The following KY variants were observed in gnomAD, a reference collection of about 807,000 sequenced individuals.
KY encodes kyphoscoliosis peptidase.
KY carries 43 observed loss-of-function variants against 76.1 expected under a neutral mutation model. The observed-to-expected ratio is 0.57, with a 90% CI of 0.44 to 0.73. The LOEUF (loss-of-function observed/expected upper bound fraction) is 0.73. Among genes scored for constraint, KY ranks in the 30% least tolerant of loss-of-function variants. KY has a pLI of 0.00. For missense variants in KY, 722 were observed against 828.9 expected (o/e 0.87, Z 1.58); for synonymous variants, 277 against 326.2 (o/e 0.85, Z 1.63).
intron 2 of KY, 33 bp from the exon 3 acceptor site, chr3:134,643,411 C>A (rs751547415): frequency 2.9e-5 from 46 of 1,594,282 alleles, no homozygotes; most frequent in Non-Finnish European, 3.8e-5. Context: ...CCTGCAGTGA[C>A]CACTGGGGAA....
intron 10 of KY, chr3:134,608,041 GA>G: frequency 9.4e-7 from 1 of 1,063,366 alleles, no homozygotes; most frequent in Non-Finnish European, 1.1e-6. Flanking sequence ...CCTCCCTAAG[GA>G]AGTCTGCCCC....
rs1419104904 is a variant in KY, at chr3:134,646,299, C to A, written c.199+1136G>T. 2.0e-5 allele frequency among the ~76,000 whole-genome samples: 3 copies of A among 152,174 alleles called. No individual in the cohort carries two copies. The East Asian group carries it at 5.8e-4, about 29-fold the overall frequency. ...AGGGAAGCCATTGCACCCATGCATGCCTGTCAGGGTGGCTCCCTGGCAGTG... is the reference window on the plus strand; with the variant it reads ...AGGGAAGCCATTGCACCCATGCATGACTGTCAGGGTGGCTCCCTGGCAGTG... On this transcript the variant is annotated intron_variant, in intron 2 of 10. Transcript: ENST00000423778.
At chr3:134,648,719 G>T (rs1476249955) in intron 1 of KY, among the ~76,000 whole-genome samples, 2 of 152,048 alleles carry the variant, frequency 1.3e-5, no homozygotes, top group East Asian at 1.9e-4. Flanking sequence ...TTTTCTTCCA[G>T]CAGAAGGGCC....
chr3:134,629,817 C>T, intron 3 of KY, 122 bp from the exon 4 acceptor site: 1 of 654,242 alleles, frequency 1.5e-6, no homozygotes, highest in Non-Finnish European at 2.7e-6. Context: ...GTGTACAAAT[C>T]ATCCTTGTTT....
chr3:134,613,842 C>T (rs1226398130), intron 8 of KY, among the ~76,000 whole-genome samples: 3 of 152,124 alleles, frequency 2.0e-5, no homozygotes, highest in Non-Finnish European at 4.4e-5. Context: ...ATTGTGGAAC[C>T]CACAGGAGTT....
intron 2 of KY, among the ~76,000 whole-genome samples, chr3:134,646,775 G>A (rs1239213733): frequency 6.6e-6 from 1 of 152,164 alleles, no homozygotes; most frequent in South Asian, 2.1e-4. Flanking sequence ...GGCTCTGGGA[G>A]TAGAGGTTTG....
intron 10 of KY, chr3:134,607,214 G>T (rs1425072714): frequency 1.0e-6 from 1 of 985,324 alleles, no homozygotes. Context: ...TTCTCAAATT[G>T]AGCAACTTCA....
intron 5 of KY, 128 bp from the exon 6 acceptor site, chr3:134,625,263 A>G (rs1182018012): frequency 4.0e-6 from 3 of 757,428 alleles, no homozygotes; most frequent in Non-Finnish European, 6.7e-6. Flanking sequence ...AGCCTGAAAC[A>G]TTGAGCCTAA....
In KY at chr3:134,603,731, G is replaced by T. The variant is rs377330101; in HGVS notation, c.1834C>A (p.Gln612Lys). ...TTCAGGGTCAGGGGCCATGTGTCCT[G>T]CCCCTTCACCAGGACTTTGGCAATA... ...HGIAKVLVKGQDTWPLTLNHE... is the reference protein window; with the variant it reads ...HGIAKVLVKGKDTWPLTLNHE... Residue 612 changes from glutamine (Q) to lysine (K), a missense_variant, in exon 11 of 11, where the codon CAG becomes AAG. By Grantham distance (53) the Gln-to-Lys change is moderately conservative (BLOSUM62 1). Coordinates refer to ENST00000423778, the MANE Select transcript of KY (RefSeq NM_178554.6). 32 of 1,612,978 alleles carry T rather than the reference G, an allele frequency of 2.0e-5. No individual in the cohort carries two copies. In the African/African-American group the frequency reaches 3.9e-4, roughly 20 times the overall value.
intron 1 of KY, among the ~76,000 whole-genome samples, chr3:134,647,798 A>G (rs1214087639): frequency 6.6e-6 from 1 of 152,224 alleles, no homozygotes; most frequent in Non-Finnish European, 1.5e-5. Flanking sequence ...CATACATATG[A>G]AAGCATTATT....
At chr3:134,636,286 T>C (rs1308288168) in intron 3 of KY, among the ~76,000 whole-genome samples, 1 of 152,258 alleles carries the variant, frequency 6.6e-6, no homozygotes, top group Non-Finnish European at 1.5e-5. Flanking sequence ...GTGCACATTC[T>C]TGCTGTGCTT....
At position 134,613,608 on chromosome 3, in the gene KY, G is replaced by C. The variant is rs142849948; in HGVS notation, c.711-3225C>G. Among the ~76,000 whole-genome samples the C allele has an allele frequency of 2.0e-5, 3 of 152,318 alleles. No homozygotes were observed. The East Asian group carries it at 5.8e-4, about 29-fold the overall frequency. On this transcript the variant is annotated intron_variant, in intron 8 of 10. Coordinates refer to ENST00000423778, the MANE Select transcript of KY (RefSeq NM_178554.6). ...CCAGGGGTTGATTCTTCTCTGACAG[G>C]CTGAGGAGAAGCTGGGAAGGCTGTG...
At chr3:134,628,142 T>G in intron 4 of KY, 1 of 360,216 alleles carries the variant, frequency 2.8e-6, no homozygotes, top group Non-Finnish European at 5.1e-6. Context: ...CCTGCCCTCT[T>G]TTGGAGTTTC....
At chr3:134,642,919 A>T (rs140691401) in intron 3 of KY, among the ~76,000 whole-genome samples, 13 of 152,326 alleles carry the variant, frequency 8.5e-5, no homozygotes, top group African/African-American at 2.9e-4. Context: ...GATGGTAAAG[A>T]GGAGTACCTG....
At chr3:134,614,262 A>G (rs749816552) in intron 8 of KY, among the ~76,000 whole-genome samples, 99 of 152,320 alleles carry the variant, frequency 6.5e-4, no homozygotes, top group Admixed American at 1.3e-3. Flanking sequence ...CAGCCATCCC[A>G]GAGCCTAAAA....
intron 3 of KY, among the ~76,000 whole-genome samples, chr3:134,639,655 G>A (rs1014677880): frequency 5.3e-5 from 8 of 151,996 alleles, no homozygotes; most frequent in African/African-American, 1.9e-4. Flanking sequence ...CCTCAAGAAT[G>A]TCCTTTGGGG....
At chr3:134,616,887 G>A (rs1961666443) in intron 8 of KY, among the ~76,000 whole-genome samples, 1 of 152,210 alleles carries the variant, frequency 6.6e-6, no homozygotes, top group South Asian at 2.1e-4. Context: ...CCAAACTGCA[G>A]TCTCATTGAG....
chr3:134,648,193 A>G (rs1472073247), intron 1 of KY, among the ~76,000 whole-genome samples: 4 of 152,230 alleles, frequency 2.6e-5, no homozygotes, highest in Non-Finnish European at 5.9e-5. Context: ...AGGAGTATTC[A>G]GTGCTCCTTG....
At chr3:134,611,560 C>T (rs1960460468) in intron 8 of KY, among the ~76,000 whole-genome samples, 1 of 152,264 alleles carries the variant, frequency 6.6e-6, no homozygotes, top group Admixed American at 6.5e-5. Context: ...TTTCCTTGCA[C>T]TCATGGAAAA....
Sources: allele counts gnomAD v4.1 joint callset (sites outside exome capture counted in the v4.1 genomes callset), GRCh38; gene constraint gnomAD v4.1.1; transcripts MANE v1.5; gene names NCBI Gene and HGNC (gene_info 2026-07-23, HGNC 2026-07-21).